ARPP21: variants seen among roughly 807,000 people sequenced by gnomAD.
ARPP21 encodes the protein cAMP-regulated phosphoprotein 21.
Under a neutral mutation model 113.2 loss-of-function variants are expected in ARPP21, and 69 were observed. The ratio of observed to expected loss-of-function variants is 0.61; its 90% confidence interval spans 0.50 to 0.74. The LOEUF (loss-of-function observed/expected upper bound fraction) is 0.74. ARPP21 is among the 30% of genes least tolerant of loss of function. ARPP21 has a pLI of 0.00. For missense variants in ARPP21, 1,070 were observed against 1,037.4 expected, an observed-to-expected ratio of 1.03 and a Z score of -0.43; for synonymous variants, 368 against 375.5, an observed-to-expected ratio of 0.98 and a Z score of 0.23.
intron 9 of ARPP21, among the ~76,000 whole-genome samples, chr3:35,704,203 G>A (rs1472391813): frequency 6.6e-6 from 1 of 151,758 alleles, no homozygotes; most frequent in Non-Finnish European, 1.5e-5. Context: ...AACCTAAGGT[G>A]TTTGAAATGC....
intron 13 of ARPP21, among the ~76,000 whole-genome samples, chr3:35,718,437 C>T (rs2092699670): frequency 6.6e-6 from 1 of 152,052 alleles, no homozygotes; most frequent in African/African-American, 2.4e-5. Context: ...ACCATTAGTC[C>T]TGCGCTCACA....
chr3:35,749,431 C>CAA (rs61007987), intron 19 of ARPP21, among the ~76,000 whole-genome samples: 4,564 of 100,714 alleles, frequency 0.045, 201 homozygotes, highest in South Asian at 0.13. Flanking sequence ...TTCCTAAAAG[C>CAA]AAAAAAAAAA....
At chr3:35,656,339 G>T (rs1311167239) in intron 1 of ARPP21, among the ~76,000 whole-genome samples, 2 of 151,988 alleles carry the variant, frequency 1.3e-5, no homozygotes, top group African/African-American at 2.4e-5. Context: ...AGCATTAGAG[G>T]TTAAAACTGT....
chr3:35,683,651 AT>A, intron 4 of ARPP21, 74 bp from the exon 5 acceptor site: 1 of 733,080 alleles, frequency 1.4e-6, no homozygotes, highest in East Asian at 2.7e-5. Context: ...TGTGGAGATG[AT>A]TTGGCAGTCT....
chr3:35,653,357 C>A (rs1248876578), intron 1 of ARPP21, among the ~76,000 whole-genome samples: 2 of 151,900 alleles, frequency 1.3e-5, no homozygotes, highest in African/African-American at 4.8e-5. Flanking sequence ...ACAGAGAATT[C>A]AATTATCTCA....
intron 1 of ARPP21, among the ~76,000 whole-genome samples, chr3:35,657,676 G>C (rs1705650632): frequency 6.6e-6 from 1 of 152,064 alleles, no homozygotes; most frequent in Non-Finnish European, 1.5e-5. Flanking sequence ...TCAAGCCCTT[G>C]ATGTCCAGCT....
chr3:35,717,830 C>T (rs1051415140), intron 13 of ARPP21, among the ~76,000 whole-genome samples: 2 of 152,002 alleles, frequency 1.3e-5, no homozygotes, highest in Admixed American at 1.3e-4. Context: ...AGGTTCCTTT[C>T]AATTAAAATG....
chr3:35,748,464 A>G (rs1187097901), intron 19 of ARPP21, among the ~76,000 whole-genome samples: 4 of 149,002 alleles, frequency 2.7e-5, no homozygotes, highest in Non-Finnish European at 6.0e-5. Flanking sequence ...AAGAAAAAGA[A>G]AGAGAGAGAG....
intron 19 of ARPP21, chr3:35,744,709 A>T: frequency 3.5e-6 from 1 of 287,458 alleles, no homozygotes; most frequent in South Asian, 2.9e-5. Context: ...TGACGGGGAG[A>T]CTCTGCCTTC....
At chr3:35,644,598 T>C (rs1575362587) in intron 1 of ARPP21, among the ~76,000 whole-genome samples, 1 of 151,968 alleles carries the variant, frequency 6.6e-6, no homozygotes, top group Non-Finnish European at 1.5e-5. Flanking sequence ...CCGAGACATA[T>C]CTGTGCTTTG....
intron 9 of ARPP21, among the ~76,000 whole-genome samples, chr3:35,701,182 A>AT (rs2086241943): frequency 6.6e-6 from 1 of 151,552 alleles, no homozygotes; most frequent in African/African-American, 2.4e-5. Context: ...CTGTAAAATG[A>AT]TCCCCATGTA....
chr3:35,657,220 C>G lies in ARPP21; in HGVS notation c.-213+16822C>G, dbSNP rs35108232. 3.7e-3 allele frequency among the ~76,000 whole-genome samples: 560 copies of G among 152,192 alleles called. 3 individuals are homozygous for G. Among genetic ancestry groups the G allele is most frequent in the Non-Finnish European group, 5.3e-3 (360 of 67,988 alleles). ...AAAACTGACAGCCTAGAACTTTCAT[C>G]CAGTTACCTCCCACATATATGTACA... On this transcript the variant is annotated intron_variant, in intron 1 of 20. Coordinates refer to ENST00000684406, the MANE Select transcript of ARPP21 (RefSeq NM_001385562.1).
rs546045836 is a variant in ARPP21 at position 35,777,326 on chromosome 3, C to T, written c.2138-15056C>T. 3.3e-5 allele frequency among the ~76,000 whole-genome samples: 5 copies of T among 152,240 alleles called. No individual in the cohort carries two copies. The South Asian group carries it at 1.0e-3, about 32-fold the overall frequency. On this transcript the variant is annotated intron_variant, in intron 19 of 20. Transcript: ENST00000684406. The stretch of plus-strand genomic sequence containing the variant: ...TAGCTACCTGACCTTCACAAAAGCC[C>T]TGGGAAAGTGGGAATTAACTTGCTC...
At chr3:35,789,700 C>T (rs541902741) in intron 19 of ARPP21, among the ~76,000 whole-genome samples, 1 of 152,296 alleles carries the variant, frequency 6.6e-6, no homozygotes, top group African/African-American at 2.4e-5. Context: ...TGCATCTGGG[C>T]TGGCAGCAAA....
In ARPP21 at chr3:35,687,775, C is replaced by T. The variant is rs953133430; in HGVS notation, c.298C>T (p.Leu100=). The T allele has an allele frequency of 1.9e-6, 3 of 1,604,194 alleles. No homozygotes were observed. The highest frequency in any genetic ancestry group is 2.6e-6 in the Non-Finnish European group (3 of 1,175,964). ...TTTACAGCTTTCCAGTTTTTCCAGC[C>T]TGCAAGAGGAGGATAAATCTAGGAA... ...IHLQLSSFSS[L]QEEDKSRKDD... The change falls in exon 6 of 21, where the codon CTG becomes TTG. Residue 100 remains leucine, a synonymous_variant. Coordinates refer to ENST00000684406, the MANE Select transcript of ARPP21 (RefSeq NM_001385562.1).
At chr3:35,725,892 G>A (rs1051628097) in intron 14 of ARPP21, among the ~76,000 whole-genome samples, 2 of 152,096 alleles carry the variant, frequency 1.3e-5, no homozygotes, top group African/African-American at 4.8e-5. Flanking sequence ...CTTGGCACAG[G>A]CTTGGTCAGG....
At chr3:35,698,992 G>A (rs2085183457) in intron 9 of ARPP21, among the ~76,000 whole-genome samples, 1 of 151,556 alleles carries the variant, frequency 6.6e-6, no homozygotes, top group South Asian at 2.1e-4. Context: ...CAAGTGTTCG[G>A]TACTGCGCTT....
chr3:35,772,598 G>T (rs1470770420), intron 19 of ARPP21, among the ~76,000 whole-genome samples: 1 of 152,088 alleles, frequency 6.6e-6, no homozygotes, highest in Non-Finnish European at 1.5e-5. Flanking sequence ...CTCCTGGGTG[G>T]ACCTCAAAAT....
At chr3:35,684,180 A>G in intron 5 of ARPP21, 2 of 1,365,868 alleles carry the variant, frequency 1.5e-6, no homozygotes, top group South Asian at 2.0e-5. Context: ...CTTGTTGGAG[A>G]TGTCTTACCT....
Sources: allele counts gnomAD v4.1 joint callset (sites outside exome capture counted in the v4.1 genomes callset), GRCh38; gene constraint gnomAD v4.1.1; transcripts MANE v1.5; gene names NCBI Gene and HGNC (gene_info 2026-07-23, HGNC 2026-07-21).